The following CBLB variants were observed in gnomAD, a reference collection of about 807,000 sequenced individuals.
CBLB encodes the protein E3 ubiquitin-protein ligase CBL-B.
A neutral mutation model predicts 104.9 loss-of-function variants in CBLB; 31 were observed. The observed-to-expected ratio is 0.30, with a 90% confidence interval of 0.22 to 0.40. CBLB has a LOEUF of 0.40. CBLB is among the 10% of genes least tolerant of loss of function. The pLI is 1.00. For missense variants in CBLB, 1,062 were observed against 1,214.6 expected, an observed-to-expected ratio of 0.87 and a Z score of 1.87; for synonymous variants, 440 against 422.6, an observed-to-expected ratio of 1.04 and a Z score of -0.51.
At chr3:105,807,976 T>C (rs1326457864) in intron 3 of CBLB, among the ~76,000 whole-genome samples, 1 of 152,170 alleles carries the variant, frequency 6.6e-6, no homozygotes, top group East Asian at 1.9e-4. Context: ...AGGTAACAAA[T>C]ATGTAACCAC....
chr3:105,744,207 C>T (rs113216059), intron 6 of CBLB, among the ~76,000 whole-genome samples: 73 of 152,248 alleles, frequency 4.8e-4, no homozygotes, highest in Admixed American at 2.0e-3. Flanking sequence ...GGCCTCAGTT[C>T]CCTCATTATT....
chr3:105,780,660 G>GTTTTTTTTTTTTTTTTTTTTTTT (rs58640968), intron 3 of CBLB, among the ~76,000 whole-genome samples: 8 of 94,030 alleles, frequency 8.5e-5, no homozygotes, highest in East Asian at 3.5e-4. Context: ...TTTGTTTTTT[G>GTTTTTTTTTTTTTTTTTTTTTTT]TTTTTTTTTT....
intron 14 of CBLB, among the ~76,000 whole-genome samples, chr3:105,682,344 G>T (rs895370302): frequency 9.2e-5 from 14 of 152,172 alleles, no homozygotes; most frequent in South Asian, 2.1e-4. Flanking sequence ...AACATTCAAA[G>T]AACTAGAGCC....
intron 3 of CBLB, among the ~76,000 whole-genome samples, chr3:105,808,828 T>C (rs1484799551): frequency 2.0e-5 from 3 of 152,168 alleles, no homozygotes; most frequent in Admixed American, 1.3e-4. Flanking sequence ...CCTGTAACAG[T>C]TTTTAAATAT....
At chr3:105,798,703 C>T (rs2082504509) in intron 3 of CBLB, among the ~76,000 whole-genome samples, 2 of 152,156 alleles carry the variant, frequency 1.3e-5, no homozygotes, top group Non-Finnish European at 2.9e-5. Flanking sequence ...GGGAAGTAAA[C>T]TTCCTCTTTT....
At chr3:105,767,154 C>T (rs1329415221) in intron 4 of CBLB, among the ~76,000 whole-genome samples, 2 of 151,926 alleles carry the variant, frequency 1.3e-5, no homozygotes. Flanking sequence ...TCTTTGAATC[C>T]TACTTTAGTT....
intron 3 of CBLB, among the ~76,000 whole-genome samples, chr3:105,794,454 G>A (rs143479805): frequency 1.3e-5 from 2 of 152,256 alleles, no homozygotes; most frequent in African/African-American, 2.4e-5. Flanking sequence ...TTCTGTAACA[G>A]TCTTTTAGGA....
chr3:105,765,199 A>T (rs1472034344), intron 4 of CBLB, among the ~76,000 whole-genome samples: 1 of 152,186 alleles, frequency 6.6e-6, no homozygotes, highest in East Asian at 1.9e-4. Flanking sequence ...GCTATCTAGA[A>T]AATGCTAGGG....
chr3:105,724,753 C>A (rs904350087), intron 9 of CBLB, among the ~76,000 whole-genome samples: 1 of 152,094 alleles, frequency 6.6e-6, no homozygotes, highest in African/African-American at 2.4e-5. Context: ...TATGAGATAT[C>A]TCCTAAGCAC....
chr3:105,735,693 G>A (rs1178788217), intron 8 of CBLB, among the ~76,000 whole-genome samples: 1 of 152,226 alleles, frequency 6.6e-6, no homozygotes, highest in African/African-American at 2.4e-5. Context: ...GCTCACGCCT[G>A]TAATCCCAGC....
chr3:105,668,003 A>C (rs2064663057), intron 18 of CBLB, among the ~76,000 whole-genome samples: 1 of 152,230 alleles, frequency 6.6e-6, no homozygotes, highest in Admixed American at 6.5e-5. Flanking sequence ...CTGATGTAAA[A>C]TAAACTAGTG....
rs149831740 is a variant in CBLB at position 105,720,163 on chromosome 3, C to T, written c.1291G>A (p.Glu431Lys). The change falls in exon 10 of 19, where the codon GAA (glutamate) becomes AAA (lysine). Residue 431 changes from glutamate to lysine, a missense_variant. Physicochemically the swap from Glu to Lys is moderately conservative, Grantham distance 56 (BLOSUM62 1). Coordinates refer to ENST00000394030, the MANE Select transcript of CBLB (RefSeq NM_170662.5). ...IIVDPFDPRD[E>K]GSRCCSIIDP... ...ATGATGCTGCAACACCTGGAGCCTTCATCTCTTGGATCAAAGGGGTCCACG... is the reference window on the plus strand; with the variant it reads ...ATGATGCTGCAACACCTGGAGCCTTTATCTCTTGGATCAAAGGGGTCCACG... The T allele has an allele frequency of 6.2e-7, 1 of 1,613,786 alleles. No individual in the cohort carries two copies. The highest frequency in any genetic ancestry group is 8.5e-7 in the Non-Finnish European group (1 of 1,179,900).
At chr3:105,816,635 AAAGT>A (rs1353377056) in intron 3 of CBLB, among the ~76,000 whole-genome samples, 1 of 152,222 alleles carries the variant, frequency 6.6e-6, no homozygotes, top group Admixed American at 6.5e-5. Flanking sequence ...AATAGTGCAT[AAAGT>A]AAGTTCTACT....
intron 3 of CBLB, among the ~76,000 whole-genome samples, chr3:105,785,871 T>C (rs904811563): frequency 6.6e-6 from 1 of 152,200 alleles, no homozygotes; most frequent in African/African-American, 2.4e-5. Flanking sequence ...ATTTTAGCCA[T>C]GATCTGATAT....
intron 18 of CBLB, among the ~76,000 whole-genome samples, chr3:105,666,024 CAAA>C (rs34981931): frequency 7.7e-6 from 1 of 130,258 alleles, no homozygotes. Flanking sequence ...AGACTCGTCT[CAAA>C]AAAAAAAAAA....
At chr3:105,663,584 T>C (rs541267012) in intron 18 of CBLB, among the ~76,000 whole-genome samples, 5 of 152,310 alleles carry the variant, frequency 3.3e-5, no homozygotes, top group African/African-American at 9.6e-5. Context: ...TTCACTCATA[T>C]AGCCTCCAGT....
intron 3 of CBLB, among the ~76,000 whole-genome samples, chr3:105,848,207 A>C (rs1356113013): frequency 6.6e-6 from 1 of 152,050 alleles, no homozygotes; most frequent in African/African-American, 2.4e-5. Flanking sequence ...CAACAACAAC[A>C]ATTTGGGAAA....
At position 105,702,166 on chromosome 3, in the gene CBLB, G is replaced by C; in HGVS notation, c.1887C>G (p.His629Gln). The change falls in exon 12 of 19, where the codon CAC becomes CAG. Residue 629 changes from histidine (H) to glutamine (Q), a missense_variant. Around this residue, in one of 2 missense-constraint regions of CBLB, gnomAD observed 605 missense variants for 582.6 expected, o/e 1.04. Transcript: ENST00000394030. ...ITASSNVNGR[H>Q]SRVGSDPVLM... ...GCACTGGGTCAGAGCCCACTCTACT[G>C]TGCCTTCCATTGACATTTGAACTCG... is the stretch of plus-strand genomic sequence containing the variant. 6.2e-7 allele frequency: 1 copy of C among 1,614,108 alleles called. No individual in the cohort carries two copies. The highest frequency in any genetic ancestry group is 8.5e-7 in the Non-Finnish European group (1 of 1,180,002).
chr3:105,704,887 G>GT (rs554869866), intron 10 of CBLB, among the ~76,000 whole-genome samples: 283 of 152,098 alleles, frequency 1.9e-3, no homozygotes, highest in African/African-American at 6.3e-3. Flanking sequence ...CAATTTGTAC[G>GT]TAACACTTCC....
Sources: gnomAD v4.1 joint callset for allele counts (sites outside exome capture counted in the v4.1 genomes callset) on GRCh38, gnomAD v4.1.1 for gene constraint, gnomAD v4.1.1 regional missense constraint, MANE v1.5 for transcripts, NCBI Gene and HGNC (gene_info 2026-07-23, HGNC 2026-07-21) for gene names.